The following BICRAL variants were observed in gnomAD, a reference collection of about 807,000 sequenced individuals.
The protein encoded by BICRAL is BICRA like chromatin remodeling complex associated protein.
In BICRAL, 8 loss-of-function variants were observed where a neutral mutation model predicts 91.8. The ratio of observed to expected loss-of-function variants is 0.09; its 90% CI spans 0.05 to 0.16. The LOEUF (loss-of-function observed/expected upper bound fraction) is 0.16. BICRAL is among the 10% of genes least tolerant of loss of function. The probability of loss-of-function intolerance (pLI) is 1.00; values close to 1 mark genes in which losing one functional copy is unlikely to be tolerated. For missense variants in BICRAL, 1,038 were observed against 1,310.9 expected (o/e 0.79, Z 3.21); for synonymous variants, 445 against 491.1 (o/e 0.91, Z 1.24).
At chr6:42,784,566 T>C (rs1474614190) in intron 1 of BICRAL, among the ~76,000 whole-genome samples, 1 of 152,222 alleles carries the variant, frequency 6.6e-6, no homozygotes, top group Non-Finnish European at 1.5e-5. Context: ...TAATTTCTAT[T>C]ATATCAGCCC....
At chr6:42,795,950 C>T (rs964974698) in intron 1 of BICRAL, among the ~76,000 whole-genome samples, 1 of 152,162 alleles carries the variant, frequency 6.6e-6, no homozygotes, top group African/African-American at 2.4e-5. Context: ...CATATGTACA[C>T]ACATAAAACT....
At chr6:42,820,021 T>A (rs1389468170) in intron 2 of BICRAL, among the ~76,000 whole-genome samples, 2 of 152,202 alleles carry the variant, frequency 1.3e-5, no homozygotes, top group African/African-American at 4.8e-5. Flanking sequence ...GTGTTCTGTT[T>A]GCACTACTCA....
chr6:42,770,902 G>A (rs1050744358), intron 1 of BICRAL, among the ~76,000 whole-genome samples: 1 of 151,346 alleles, frequency 6.6e-6, no homozygotes, highest in Non-Finnish European at 1.5e-5. Flanking sequence ...CGTTGGCCAC[G>A]AACTCCTGAC....
rs1314262746 is a variant in BICRAL at position 42,865,992 on chromosome 6, C to T, written c.*546C>T. ...GAGGGGAAGACCACATGGTTCTTCC[C>T]CCTCAGCCATCTTTGAGCAGTAAAT... On this transcript the variant is annotated 3_prime_UTR_variant, in exon 13 of 13. Coordinates refer to ENST00000314073, the MANE Select transcript of BICRAL (RefSeq NM_001393499.1). 3 of 152,276 alleles carry T rather than the reference C, an allele frequency of 2.0e-5. No individual in the cohort carries two copies. The highest frequency in any genetic ancestry group is 4.4e-5 in the Non-Finnish European group (3 of 68,260). The allele number at this position is 152,276 out of a possible 1,614,324, so 9.4% of individuals were successfully genotyped here. A position where few individuals can be genotyped will look rare whatever the true frequency, so the allele number is the denominator to read the frequency against.
intron 2 of BICRAL, among the ~76,000 whole-genome samples, chr6:42,813,688 T>A (rs780822988): frequency 1.3e-5 from 2 of 151,992 alleles, no homozygotes; most frequent in African/African-American, 4.8e-5. Context: ...GCCCAGCTAA[T>A]TTTTTTATTT....
At chr6:42,846,790 G>A (rs182913887) in intron 6 of BICRAL, among the ~76,000 whole-genome samples, 43 of 152,294 alleles carry the variant, frequency 2.8e-4, no homozygotes, top group African/African-American at 1.0e-3. Flanking sequence ...GGTGTGTAGC[G>A]GTTGCTTCTT....
chr6:42,859,821 A>G (rs1431355402), intron 10 of BICRAL, among the ~76,000 whole-genome samples: 1 of 150,724 alleles, frequency 6.6e-6, no homozygotes, highest in African/African-American at 2.4e-5. Context: ...TTTTTTTTGT[A>G]TTTTTAGTAG....
At position 42,864,798 on chromosome 6, in the gene BICRAL, A is replaced by T. The variant is rs771609128; in HGVS notation, c.2592A>T (p.Arg864=). 3 of 1,614,212 alleles carry T rather than the reference A, an allele frequency of 1.9e-6. No homozygotes were observed. Among genetic ancestry groups the T allele is most frequent in the Middle Eastern group, 1.6e-4 (1 of 6,062 alleles). The change falls in exon 13 of 13, where the codon CGA becomes CGT. Residue 864 remains arginine (R), a synonymous_variant. Coordinates refer to ENST00000314073, the MANE Select transcript of BICRAL (RefSeq NM_001393499.1). ...QPPAKAQGRD[R]AKTGVTEPMN... ...CAGCCAAGGCCCAAGGCAGAGACCGAGCCAAAACCGGTGTGACGGAACCCA... is the reference window on the plus strand; with the variant it reads ...CAGCCAAGGCCCAAGGCAGAGACCGTGCCAAAACCGGTGTGACGGAACCCA...
At chr6:42,756,016 G>A (rs1246627541) in intron 1 of BICRAL, among the ~76,000 whole-genome samples, 1 of 151,904 alleles carries the variant, frequency 6.6e-6, no homozygotes, top group African/African-American at 2.4e-5. Flanking sequence ...TCTTTTCTTT[G>A]GCATCTCCTC....
intron 1 of BICRAL, among the ~76,000 whole-genome samples, chr6:42,784,744 A>C (rs1463914549): frequency 6.6e-6 from 1 of 152,220 alleles, no homozygotes; most frequent in Non-Finnish European, 1.5e-5. Context: ...ATCAGAATTA[A>C]TTTGGGAGAT....
chr6:42,771,271 G>C (rs1762720327), intron 1 of BICRAL, among the ~76,000 whole-genome samples: 1 of 152,216 alleles, frequency 6.6e-6, no homozygotes, highest in East Asian at 1.9e-4. Context: ...CTCCCCCTGC[G>C]GGCCGCCGCT....
chr6:42,768,698 T>C (rs1324933817), intron 1 of BICRAL, among the ~76,000 whole-genome samples: 3 of 152,172 alleles, frequency 2.0e-5, no homozygotes, highest in African/African-American at 7.2e-5. Flanking sequence ...TCTGCTTTCT[T>C]CCCCTCTACC....
rs1031710242 is a variant in BICRAL, at chr6:42,865,630, C to T, written c.*184C>T. Reference sequence around the variant, plus strand: ...TTCTTTGTTTAAGAGCAATACTTGTCGTGATTACAGGGAGATCCTTTAGTA... The same window carrying T: ...TTCTTTGTTTAAGAGCAATACTTGTTGTGATTACAGGGAGATCCTTTAGTA... On this transcript the variant is annotated 3_prime_UTR_variant, in exon 13 of 13. Transcript: ENST00000314073. The T allele has an allele frequency of 1.2e-5, 7 of 572,018 alleles. No homozygotes were observed. The highest frequency in any genetic ancestry group is 1.9e-5 in the African/African-American group (1 of 53,358). 35.4% of individuals were successfully genotyped at this position (572,018 alleles called of 1,614,324 possible). A position where few individuals can be genotyped will look rare whatever the true frequency, so the allele number is the denominator to read the frequency against.
At chr6:42,805,775 G>C (rs1002973653) in intron 1 of BICRAL, among the ~76,000 whole-genome samples, 1 of 152,080 alleles carries the variant, frequency 6.6e-6, no homozygotes, top group East Asian at 1.9e-4. Flanking sequence ...GCCGAGACGG[G>C]TGGATCACAA....
At chr6:42,846,392 T>TAAAC (rs748553071) in intron 6 of BICRAL, among the ~76,000 whole-genome samples, 5 of 110,800 alleles carry the variant, frequency 4.5e-5, no homozygotes, top group East Asian at 5.3e-4. Context: ...AACAATAAGT[T>TAAAC]AAATAAATAA....
intron 1 of BICRAL, among the ~76,000 whole-genome samples, chr6:42,782,906 C>T (rs954391316): frequency 8.2e-4 from 123 of 149,530 alleles, no homozygotes; most frequent in Non-Finnish European, 1.3e-3. Context: ...CGTTTCTTTT[C>T]TCTCTCGGAA....
chr6:42,774,470 C>T (rs142255142), intron 1 of BICRAL, among the ~76,000 whole-genome samples: 3 of 152,240 alleles, frequency 2.0e-5, no homozygotes, highest in East Asian at 1.9e-4. Context: ...AGGCCGCGTG[C>T]GAAATATCCT....
At chr6:42,831,627 G>A (rs1764481973) in intron 6 of BICRAL, among the ~76,000 whole-genome samples, 1 of 152,086 alleles carries the variant, frequency 6.6e-6, no homozygotes, top group African/African-American at 2.4e-5. Flanking sequence ...CATCTGGGAG[G>A]ACCCATGCCA....
intron 7 of BICRAL, among the ~76,000 whole-genome samples, chr6:42,853,411 T>C (rs1043172273): frequency 3.0e-4 from 46 of 152,334 alleles, no homozygotes; most frequent in Middle Eastern, 3.4e-3. Flanking sequence ...GGAGCTTCTA[T>C]TTATTACTAT....
Sources: allele counts gnomAD v4.1 joint callset (sites outside exome capture counted in the v4.1 genomes callset), GRCh38; gene constraint gnomAD v4.1.1; transcripts MANE v1.5; gene names NCBI Gene and HGNC (gene_info 2026-07-23, HGNC 2026-07-21).